The following TMEM132D variants were observed in gnomAD, a reference collection of about 807,000 sequenced individuals.
The protein encoded by TMEM132D is mature OL transmembrane protein.
TMEM132D carries 21 observed loss-of-function variants against 62.3 expected under a neutral mutation model. The observed-to-expected ratio is 0.34, with a 90% CI of 0.24 to 0.49. The LOEUF (loss-of-function observed/expected upper bound fraction) is 0.49, where lower values mean the gene tolerates loss of function less well. TMEM132D is among the 20% of genes least tolerant of loss of function. The probability of loss-of-function intolerance (pLI) is 0.99; values close to 1 mark genes in which losing one functional copy is unlikely to be tolerated. For synonymous variants in TMEM132D, 621 were observed against 575.6 expected (o/e 1.08, Z -1.13); for missense variants, 1,346 against 1,402.8 (o/e 0.96, Z 0.65).
intron 1 of TMEM132D, among the ~76,000 whole-genome samples, chr12:129,892,129 C>G (rs569066495): frequency 1.3e-5 from 2 of 152,170 alleles, no homozygotes; most frequent in Non-Finnish European, 2.9e-5. Flanking sequence ...TTACAAACAG[C>G]AAATTTAGCT....
intron 4 of TMEM132D, among the ~76,000 whole-genome samples, chr12:129,286,073 C>G (rs1237812046): frequency 6.6e-6 from 1 of 152,186 alleles, no homozygotes; most frequent in Non-Finnish European, 1.5e-5. Flanking sequence ...GCTGTGGCAA[C>G]CAACCTCCTC....
At chr12:129,710,358 C>A (rs1394469366) in intron 1 of TMEM132D, among the ~76,000 whole-genome samples, 1 of 152,110 alleles carries the variant, frequency 6.6e-6, no homozygotes, top group Non-Finnish European at 1.5e-5. Context: ...GGCAATGGTG[C>A]AATCTCGGCT....
intron 3 of TMEM132D, among the ~76,000 whole-genome samples, chr12:129,514,401 C>T (rs1461656701): frequency 1.3e-5 from 2 of 152,216 alleles, no homozygotes; most frequent in African/African-American, 4.8e-5. Context: ...TCTTCTCACT[C>T]TAACTGTAGT....
chr12:129,266,586 CCT>C (rs1880702093), intron 4 of TMEM132D, among the ~76,000 whole-genome samples: 1 of 148,786 alleles, frequency 6.7e-6, no homozygotes, highest in Admixed American at 6.8e-5. Context: ...CTCTTCTTCC[CCT>C]TTTTCCCCTC....
At chr12:129,507,312 A>G (rs1875363833) in intron 3 of TMEM132D, among the ~76,000 whole-genome samples, 2 of 152,230 alleles carry the variant, frequency 1.3e-5, no homozygotes, top group Non-Finnish European at 2.9e-5. Flanking sequence ...AGATTCCTTA[A>G]AGAACTAAAA....
intron 8 of TMEM132D, among the ~76,000 whole-genome samples, chr12:129,077,746 TACAACAC>T (rs1356445242): frequency 6.6e-6 from 1 of 151,614 alleles, no homozygotes; most frequent in Admixed American, 6.6e-5. Context: ...AATGCATACA[TACAACAC>T]ACGATACATT....
At chr12:129,346,070 G>C (rs563923155) in intron 3 of TMEM132D, among the ~76,000 whole-genome samples, 1 of 151,936 alleles carries the variant, frequency 6.6e-6, no homozygotes, top group South Asian at 2.1e-4. Context: ...TCTGGTCCTG[G>C]GCTTTTTTTG....
chr12:129,566,988 T>A (rs1593068500), intron 2 of TMEM132D, among the ~76,000 whole-genome samples: 1 of 152,210 alleles, frequency 6.6e-6, no homozygotes, highest in South Asian at 2.1e-4. Context: ...CCAATGTACA[T>A]CTTACGTGTA....
At chr12:129,801,382 T>TGACCCCC (rs1565990689) in intron 1 of TMEM132D, among the ~76,000 whole-genome samples, 1 of 151,324 alleles carries the variant, frequency 6.6e-6, no homozygotes, top group African/African-American at 2.4e-5. Context: ...CCCTGACCCC[T>TGACCCCC]GACCCCCGAG....
intron 5 of TMEM132D, among the ~76,000 whole-genome samples, chr12:129,161,077 C>G (rs1003454766): frequency 1.3e-5 from 2 of 152,176 alleles, no homozygotes; most frequent in African/African-American, 4.8e-5. Context: ...TGATAAAAAA[C>G]TCATAAAATA....
At chr12:129,171,766 G>A (rs1313990807) in intron 5 of TMEM132D, among the ~76,000 whole-genome samples, 4 of 152,182 alleles carry the variant, frequency 2.6e-5, no homozygotes, top group Non-Finnish European at 4.4e-5. Flanking sequence ...GATCTCAACA[G>A]GTAGGCTTAA....
At chr12:129,113,997 A>G (rs1875806847) in intron 5 of TMEM132D, among the ~76,000 whole-genome samples, 1 of 152,048 alleles carries the variant, frequency 6.6e-6, no homozygotes, top group Non-Finnish European at 1.5e-5. Context: ...AAGCTCTGGG[A>G]AGTGCCTGGA....
Position 129,273,703 on chromosome 12 carries a change from G to A in TMEM132D, c.1299+63931C>T, listed in dbSNP as rs774084643. On this transcript the variant is annotated intron_variant, in intron 4 of 8. Coordinates refer to ENST00000422113, the MANE Select transcript of TMEM132D (RefSeq NM_133448.3). ...TTACCAAATGTTCTCATTTATAAGC[G>A]GGAGCTAATCGCCGGGTGCCCATGG... Among the ~76,000 whole-genome samples the A allele has an allele frequency of 1.1e-4, 17 of 151,702 alleles. 1 individual carries two copies. The highest frequency in any genetic ancestry group is 2.0e-4 in the African/African-American group (8 of 41,022).
chr12:129,455,192 G>T (rs1374729539), intron 3 of TMEM132D, among the ~76,000 whole-genome samples: 2 of 152,170 alleles, frequency 1.3e-5, no homozygotes, highest in East Asian at 1.9e-4. Context: ...AAAGCCATGG[G>T]AATAAGACAC....
At chr12:129,863,801 C>G (rs1394099884) in intron 1 of TMEM132D, among the ~76,000 whole-genome samples, 1 of 151,736 alleles carries the variant, frequency 6.6e-6, no homozygotes, top group Non-Finnish European at 1.5e-5. Context: ...TTGGGGGGGG[C>G]AGGGGAGGAA....
At chr12:129,229,470 C>T (rs1357611876) in intron 4 of TMEM132D, among the ~76,000 whole-genome samples, 1 of 152,154 alleles carries the variant, frequency 6.6e-6, no homozygotes, top group East Asian at 1.9e-4. Context: ...AGCATCTGCT[C>T]TTTGAAACTG....
intron 5 of TMEM132D, among the ~76,000 whole-genome samples, chr12:129,193,675 ATT>A (rs1396562003): frequency 6.6e-6 from 1 of 152,256 alleles, no homozygotes; most frequent in African/African-American, 2.4e-5. Flanking sequence ...ATGTTCATCA[ATT>A]TTTAATACAA....
chr12:129,151,708 G>A (rs1308813519), intron 5 of TMEM132D, among the ~76,000 whole-genome samples: 2 of 152,012 alleles, frequency 1.3e-5, no homozygotes, highest in African/African-American at 4.8e-5. Context: ...CTCATTACCC[G>A]GCAGCTAAAA....
chr12:129,813,428 G>C (rs1468025288), intron 1 of TMEM132D, among the ~76,000 whole-genome samples: 2 of 151,504 alleles, frequency 1.3e-5, no homozygotes, highest in Non-Finnish European at 2.9e-5. Context: ...AAAATAGAAG[G>C]CAGGCAGTAA....
Sources: allele counts gnomAD v4.1 joint callset (sites outside exome capture counted in the v4.1 genomes callset), GRCh38; gene constraint gnomAD v4.1.1; transcripts MANE v1.5; gene names NCBI Gene and HGNC (gene_info 2026-07-23, HGNC 2026-07-21).